The following B9D1 variants were observed in gnomAD, a reference collection of about 807,000 sequenced individuals.
B9D1 encodes the protein B9 domain-containing protein 1.
B9D1 carries 20 observed loss-of-function variants against 26.1 expected under a neutral mutation model. That is an observed-to-expected ratio of 0.77 (90% CI 0.54 to 1.12). The LOEUF is 1.12. Ranked by LOEUF, B9D1 falls within the 50% of genes most tolerant of loss-of-function variation. B9D1 has a pLI of 0.00. For synonymous variants in B9D1, 105 were observed against 103.1 expected, an observed-to-expected ratio of 1.02 and a Z score of -0.11; for missense variants, 260 against 273.7, an observed-to-expected ratio of 0.95 and a Z score of 0.35.
downstream of B9D1, among the ~76,000 whole-genome samples, chr17:19,339,308 T>C (rs75476228): frequency 6.5e-3 from 990 of 152,248 alleles, 54 homozygotes; most frequent in East Asian, 0.12. Flanking sequence ...CAGTCAACAG[T>C]AGCCAACTCA....
chr17:19,348,998 C>T (rs917823568), intron 3 of B9D1, among the ~76,000 whole-genome samples: 8 of 152,140 alleles, frequency 5.3e-5, no homozygotes, highest in Admixed American at 3.3e-4. Context: ...TCTCGGTACT[C>T]GCGTGCACAC....
At chr17:19,348,996 C>T (rs1321309033) in intron 3 of B9D1, among the ~76,000 whole-genome samples, 2 of 152,188 alleles carry the variant, frequency 1.3e-5, no homozygotes, top group African/African-American at 4.8e-5. Flanking sequence ...GCTCTCGGTA[C>T]TCGCGTGCAC....
At chr17:19,339,490 G>C (rs1232778309), downstream of B9D1, among the ~76,000 whole-genome samples, 1 of 152,184 alleles carries the variant, frequency 6.6e-6, no homozygotes, top group African/African-American at 2.4e-5. Flanking sequence ...CCACGCAGCT[G>C]CTTAGCCAAC....
At chr17:19,369,637 G>C (rs557654008) in intron 1 of B9D1, among the ~76,000 whole-genome samples, 2 of 152,212 alleles carry the variant, frequency 1.3e-5, no homozygotes, top group South Asian at 4.2e-4. Context: ...CCGAGGAGCA[G>C]GCAGATGTGG....
intron 3 of B9D1, 132 bp from the exon 4 acceptor site, chr17:19,348,012 G>C: frequency 1.3e-6 from 1 of 773,880 alleles, no homozygotes; most frequent in Non-Finnish European, 2.2e-6. Flanking sequence ...GGCTTGAGAG[G>C]GGACAGGAGC....
rs759620585 is a variant in B9D1, at chr17:19,347,374, C to T, written c.342-43G>A. On this transcript the variant is annotated intron_variant, in intron 4 of 6. Coordinates refer to ENST00000261499, the MANE Select transcript of B9D1 (RefSeq NM_015681.6). The surrounding 1 kb of genome is among the most constrained non-coding windows in gnomAD (Gnocchi z 4.3). ...GCAGACAGAGATGCTGAGTAAGAGA[C>T]CTTTCTGAGCCTCCAGGGAGAAGAA... 3.0e-5 allele frequency: 48 copies of T among 1,605,114 alleles called. No homozygotes were observed. The highest frequency in any genetic ancestry group is 4.0e-5 in the African/African-American group (3 of 74,718).
At chr17:19,353,151 A>G (rs1242932730) in intron 3 of B9D1, among the ~76,000 whole-genome samples, 55 of 111,698 alleles carry the variant, frequency 4.9e-4, no homozygotes, top group Non-Finnish European at 8.5e-4. Flanking sequence ...AATTTTTTGT[A>G]TTTTAGTAGA....
chr17:19,369,471 C>T (rs958427412), intron 1 of B9D1, among the ~76,000 whole-genome samples: 1 of 152,056 alleles, frequency 6.6e-6, no homozygotes, highest in Non-Finnish European at 1.5e-5. Context: ...TCTCAGAAAA[C>T]GGGACGTGCT....
intron 1 of B9D1, among the ~76,000 whole-genome samples, chr17:19,377,261 T>C (rs1351309805): frequency 1.3e-5 from 2 of 152,224 alleles, no homozygotes; most frequent in Non-Finnish European, 2.9e-5. Flanking sequence ...TTAGGGGCGA[T>C]GAAAATGTTC....
intron 1 of B9D1, among the ~76,000 whole-genome samples, chr17:19,373,396 C>CTT (rs548540542): frequency 2.1e-5 from 3 of 145,168 alleles, no homozygotes; most frequent in Non-Finnish European, 1.5e-5. Flanking sequence ...CTTTTTTTTA[C>CTT]TTTTTTTTTT....
upstream of B9D1, chr17:19,362,809 A>G: frequency 8.1e-7 from 1 of 1,236,902 alleles, no homozygotes; most frequent in Non-Finnish European, 1.1e-6. Flanking sequence ...TCCTTAGGGC[A>G]GGTATGACCG....
At chr17:19,374,432 C>T (rs778641758) in intron 1 of B9D1, among the ~76,000 whole-genome samples, 84 of 152,216 alleles carry the variant, frequency 5.5e-4, no homozygotes, top group Non-Finnish European at 1.1e-3. Flanking sequence ...GTCATTCTCT[C>T]ATACCACTGG....
downstream of B9D1, chr17:19,341,384 TGTC>T: frequency 1.7e-6 from 2 of 1,172,542 alleles, no homozygotes; most frequent in African/African-American, 3.2e-5. Flanking sequence ...TTTTGCTCTG[TGTC>T]GTCCCATGAC....
At chr17:19,357,205 A>G (rs1227596713) in intron 3 of B9D1, among the ~76,000 whole-genome samples, 1 of 152,264 alleles carries the variant, frequency 6.6e-6, no homozygotes, top group East Asian at 1.9e-4. Context: ...GGAAGCTCGG[A>G]TAAGTCCACA....
Position 19,372,486 on chromosome 17 carries a change from C to T in B9D1, c.-298+5373G>A, listed in dbSNP as rs1241349413. The stretch of plus-strand genomic sequence containing the variant: ...CCCGCATCAGCTCTGTGTCCTTTGC[C>T]CCCACTGTCCCTCTGCTGCCGCATG... On this transcript the variant is annotated intron_variant, in intron 1 of 5. Coordinates refer to the B9D1 transcript ENST00000477478. The surrounding 1 kb of genome is among the most constrained non-coding windows in gnomAD (Gnocchi z 4.4). 6.6e-6 allele frequency among the ~76,000 whole-genome samples: 1 copy of T among 152,242 alleles called. No individual in the cohort carries two copies. Among genetic ancestry groups the T allele is most frequent in the African/African-American group, 2.4e-5 (1 of 41,470 alleles).
At chr17:19,360,905 A>G (rs1910969558) in intron 1 of B9D1, among the ~76,000 whole-genome samples, 1 of 152,180 alleles carries the variant, frequency 6.6e-6, no homozygotes, top group African/African-American at 2.4e-5. Flanking sequence ...CCTGTTAGGA[A>G]CGGGTCCACA....
downstream of B9D1, among the ~76,000 whole-genome samples, chr17:19,342,674 G>A (rs532136231): frequency 1.9e-3 from 287 of 152,254 alleles, 1 homozygote; most frequent in Middle Eastern, 3.4e-3. Flanking sequence ...TCCTGCCAAG[G>A]GGCTGCCAGA....
chr17:19,360,220 A>T, intron 2 of B9D1, 100 bp downstream of exon 2: 1 of 1,139,720 alleles, frequency 8.8e-7, no homozygotes, highest in Non-Finnish European at 1.3e-6. Context: ...CTCAGTCTCT[A>T]CCTCTTAACT....
At chr17:19,344,889 G>A (rs959514031) in intron 5 of B9D1, among the ~76,000 whole-genome samples, 2 of 152,194 alleles carry the variant, frequency 1.3e-5, no homozygotes, top group Non-Finnish European at 2.9e-5. Flanking sequence ...GCCAGCAGGC[G>A]CTCCCCAAGG....
Sources: gnomAD v4.1 joint callset for allele counts (sites outside exome capture counted in the v4.1 genomes callset) on GRCh38, gnomAD v4.1.1 for gene constraint, Gnocchi (gnomAD v3.1) non-coding constraint, MANE v1.5 for transcripts, NCBI Gene and HGNC (gene_info 2026-07-23, HGNC 2026-07-21) for gene names.